The following ZSWIM5 variants were observed in gnomAD, a reference collection of about 807,000 sequenced individuals.
ZSWIM5 encodes zinc finger SWIM domain-containing protein 5.
Under a neutral mutation model 119.6 loss-of-function variants are expected in ZSWIM5, and 55 were observed. That is an observed-to-expected ratio of 0.46 (90% CI 0.37 to 0.58). ZSWIM5 has a LOEUF of 0.58. Ranked by LOEUF, ZSWIM5 falls within the 20% of genes least tolerant of loss-of-function variation. ZSWIM5 has a pLI of 0.00. For synonymous variants in ZSWIM5, 537 were observed against 606.9 expected (o/e 0.88, Z 1.69); for missense variants, 1,193 against 1,512.8 (o/e 0.79, Z 3.51).
rs76716958 is a variant in ZSWIM5 at position 45,109,723 on chromosome 1, C to T, written c.596-21486G>A. Among the ~76,000 whole-genome samples, 132 of 145,044 alleles carry T rather than the reference C, an allele frequency of 9.1e-4. 1 individual carries two copies. In the East Asian group the frequency reaches 0.024, roughly 27 times the overall value. ...TCGAGCCACTGCAATCCATCCTGGG[C>T]GACAGAGCTAGACTTCGTATGAAAA... On this transcript the variant is annotated intron_variant, in intron 1 of 13. Coordinates refer to ENST00000359600, the MANE Select transcript of ZSWIM5 (RefSeq NM_020883.2).
At chr1:45,112,633 A>G (rs1311902786) in intron 1 of ZSWIM5, among the ~76,000 whole-genome samples, 1 of 152,196 alleles carries the variant, frequency 6.6e-6, no homozygotes, top group African/African-American at 2.4e-5. Context: ...CCTAGTTGGA[A>G]GCCAAATCTG....
chr1:45,034,004 G>A (rs1244986367), intron 11 of ZSWIM5, among the ~76,000 whole-genome samples: 3 of 151,994 alleles, frequency 2.0e-5, no homozygotes, highest in Admixed American at 6.5e-5. Context: ...ACAGGCGCCC[G>A]CCACCACGCC....
intron 2 of ZSWIM5, among the ~76,000 whole-genome samples, chr1:45,066,134 T>C (rs1230514140): frequency 6.6e-6 from 1 of 151,526 alleles, no homozygotes; most frequent in East Asian, 2.0e-4. Flanking sequence ...GTCCTTGCGA[T>C]AGTTTGCTGA....
intron 2 of ZSWIM5, among the ~76,000 whole-genome samples, chr1:45,079,961 G>T (rs1217085722): frequency 6.6e-6 from 1 of 152,150 alleles, no homozygotes; most frequent in Non-Finnish European, 1.5e-5. Flanking sequence ...ACTCTGACTG[G>T]TGCCCTATCC....
At chr1:45,094,297 G>A (rs998462702) in intron 1 of ZSWIM5, among the ~76,000 whole-genome samples, 17 of 151,784 alleles carry the variant, frequency 1.1e-4, no homozygotes, top group Admixed American at 2.6e-4. Flanking sequence ...TTCGTGATCC[G>A]CCTGCCTCAG....
At position 45,051,241 on chromosome 1, in the gene ZSWIM5, A is replaced by T. The variant is rs1645086843; in HGVS notation, c.1265T>A (p.Val422Glu). ...QLWDELGALW[V>E]CIILNPHCKL... Reference sequence around the variant, plus strand: ...GCAGTGTGGATTTAAAATTATGCACACCCATAAAGCCCCTGGAAAATAAAG... The same window carrying T: ...GCAGTGTGGATTTAAAATTATGCACTCCCATAAAGCCCCTGGAAAATAAAG... The change falls in exon 5 of 14, where the codon GTG (valine) becomes GAG (glutamate). Residue 422 changes from valine to glutamate, a missense_variant. Val to Glu is a moderately radical substitution (Grantham distance 121). Coordinates refer to ENST00000359600, the MANE Select transcript of ZSWIM5 (RefSeq NM_020883.2). The T allele has an allele frequency of 1.9e-6, 3 of 1,613,868 alleles. No homozygotes were observed. Among genetic ancestry groups the T allele is most frequent in the African/African-American group, 2.7e-5 (2 of 74,898 alleles).
chr1:45,035,335 C>T (rs891207629), intron 10 of ZSWIM5, among the ~76,000 whole-genome samples: 1 of 152,142 alleles, frequency 6.6e-6, no homozygotes, highest in Non-Finnish European at 1.5e-5. Flanking sequence ...GGACCTGTGC[C>T]TGGGAACCTT....
At chr1:45,028,545 C>T (rs1023485173) in intron 11 of ZSWIM5, among the ~76,000 whole-genome samples, 2 of 152,046 alleles carry the variant, frequency 1.3e-5, no homozygotes, top group African/African-American at 4.8e-5. Flanking sequence ...CACCTGAGGT[C>T]AGGAGTTTGA....
At chr1:45,178,947 G>T (rs1343842249) in intron 1 of ZSWIM5, among the ~76,000 whole-genome samples, 1 of 151,962 alleles carries the variant, frequency 6.6e-6, no homozygotes, top group Non-Finnish European at 1.5e-5. Context: ...ATAAATGAAT[G>T]AATTCCACAA....
intron 5 of ZSWIM5, among the ~76,000 whole-genome samples, chr1:45,048,942 G>A (rs1287470955): frequency 1.3e-5 from 2 of 152,084 alleles, no homozygotes; most frequent in African/African-American, 4.8e-5. Flanking sequence ...GCAACATGAC[G>A]AAACCCTGTC....
At chr1:45,032,269 C>T (rs1003396650) in intron 11 of ZSWIM5, among the ~76,000 whole-genome samples, 8 of 151,886 alleles carry the variant, frequency 5.3e-5, no homozygotes, top group African/African-American at 1.9e-4. Flanking sequence ...GCTGGGACTA[C>T]GGGTGCTTGC....
At chr1:45,164,390 T>A (rs1645886845) in intron 1 of ZSWIM5, among the ~76,000 whole-genome samples, 1 of 152,182 alleles carries the variant, frequency 6.6e-6, no homozygotes, top group Admixed American at 6.6e-5. Context: ...AAACCATTGA[T>A]GCTAGGAAGA....
intron 1 of ZSWIM5, among the ~76,000 whole-genome samples, chr1:45,174,854 A>G (rs1257340116): frequency 6.6e-6 from 1 of 152,140 alleles, no homozygotes; most frequent in African/African-American, 2.4e-5. Flanking sequence ...TTGGAGAGTA[A>G]GTTGTCAACG....
chr1:45,081,435 G>C (rs1017767862), intron 2 of ZSWIM5, among the ~76,000 whole-genome samples: 11 of 152,222 alleles, frequency 7.2e-5, no homozygotes, highest in East Asian at 3.9e-4. Flanking sequence ...CTCAGCCTGC[G>C]GAGTGCCTGC....
At position 45,154,212 on chromosome 1, in the gene ZSWIM5, TACC is replaced by T. The variant is rs776869414; in HGVS notation, c.595+51541_595+51543del. ...AAATTCAATGCAATTCCCATCAAAA[TACC>T]ACCATCATTCTTTACAAAACTAGAA... On this transcript the variant is annotated intron_variant, in intron 1 of 13. Transcript: ENST00000359600. Among the ~76,000 whole-genome samples, 46 of 151,800 alleles carry T rather than the reference TACC, an allele frequency of 3.0e-4. 1 individual carries two copies. The highest frequency in any genetic ancestry group is 4.4e-5 in the Non-Finnish European group (3 of 67,968).
rs1296097360 is a variant in ZSWIM5 at position 45,060,082 on chromosome 1, A to G, written c.1101+17T>C. On this transcript the variant is annotated intron_variant, in intron 3 of 13. Coordinates refer to ENST00000359600, the MANE Select transcript of ZSWIM5 (RefSeq NM_020883.2). ...CTTTTGTCAACAACAAAAGAAAAAC[A>G]CCTTTTCATATCTTACCTTGGCAAA... 2 of 1,613,598 alleles carry G rather than the reference A, an allele frequency of 1.2e-6. No homozygotes were observed. The highest frequency in any genetic ancestry group is 1.7e-6 in the Non-Finnish European group (2 of 1,179,838).
At chr1:45,205,555 TG>T (rs1646182635) in intron 1 of ZSWIM5, among the ~76,000 whole-genome samples, 200 bp downstream of exon 1, 1 of 151,818 alleles carries the variant, frequency 6.6e-6, no homozygotes, top group South Asian at 2.1e-4. Context: ...AAAAAGAAAT[TG>T]GGGTAGAGGG....
At chr1:45,195,305 C>G (rs888236408) in intron 1 of ZSWIM5, among the ~76,000 whole-genome samples, 6 of 152,002 alleles carry the variant, frequency 3.9e-5, no homozygotes, top group Admixed American at 6.6e-5. Context: ...CCTGTGATCA[C>G]AGCTCACTGC....
chr1:45,125,967 C>T (rs947667239), intron 1 of ZSWIM5, among the ~76,000 whole-genome samples: 1 of 151,890 alleles, frequency 6.6e-6, no homozygotes, highest in African/African-American at 2.4e-5. Context: ...ACTCTGAAGA[C>T]TGAGGTGGGA....
Sources: gnomAD v4.1 joint callset for allele counts (sites outside exome capture counted in the v4.1 genomes callset) on GRCh38, gnomAD v4.1.1 for gene constraint, MANE v1.5 for transcripts, NCBI Gene and HGNC (gene_info 2026-07-23, HGNC 2026-07-21) for gene names.